FSTL5: variants seen among roughly 807,000 people sequenced by gnomAD.
The protein encoded by FSTL5 is follistatin like 5.
In FSTL5, 62 loss-of-function variants were observed where a neutral mutation model predicts 89.1. The ratio of observed to expected loss-of-function variants is 0.70; its 90% CI spans 0.57 to 0.86. The LOEUF is 0.86. Ranked by LOEUF, FSTL5 falls within the 40% of genes least tolerant of loss-of-function variation. The pLI is 0.00. For synonymous variants in FSTL5, 383 were observed against 346.2 expected (o/e 1.11, Z -1.18); for missense variants, 1,057 against 1,001.6 (o/e 1.06, Z -0.75).
rs543750185 is a variant in FSTL5, at chr4:161,555,803, G to C, written c.1016-13110C>G. 4.0e-5 allele frequency among the ~76,000 whole-genome samples: 6 copies of C among 151,672 alleles called. No individual in the cohort carries two copies. In the South Asian group the frequency reaches 1.2e-3, roughly 31 times the overall value. On this transcript the variant is annotated intron_variant, in intron 8 of 15. Transcript: ENST00000306100. ...TCTACTCACATGTTTTGTTGTTTTT[G>C]AAAATATGAGGGGTTTTTCTGCTGG...
At chr4:161,791,463 T>C (rs1165658719) in intron 4 of FSTL5, among the ~76,000 whole-genome samples, 1 of 152,228 alleles carries the variant, frequency 6.6e-6, no homozygotes, top group African/African-American at 2.4e-5. Flanking sequence ...AGCGTAAATA[T>C]GTTAGGCTTT....
In FSTL5 at chr4:161,784,399, CT is replaced by C. The variant is rs34148753; in HGVS notation, c.410-8326del. On this transcript the variant is annotated intron_variant, in intron 4 of 15. Transcript: ENST00000306100. ...TATTTTTATTTTTTATAAATTTGAC[CT>C]TTTTTTAAAAAAATAACCAGATTAC... Among the ~76,000 whole-genome samples, 28 of 151,516 alleles carry C rather than the reference CT, an allele frequency of 1.8e-4. No individual in the cohort carries two copies. In the East Asian group the frequency reaches 2.5e-3, roughly 14 times the overall value.
At chr4:161,955,060 C>G (rs907621323) in intron 3 of FSTL5, among the ~76,000 whole-genome samples, 4 of 151,442 alleles carry the variant, frequency 2.6e-5, no homozygotes, top group African/African-American at 9.7e-5. Flanking sequence ...GCAGATTTTA[C>G]TCTTATAAGA....
chr4:162,144,333 A>G (rs920230742), intron 1 of FSTL5, among the ~76,000 whole-genome samples: 2 of 152,174 alleles, frequency 1.3e-5, no homozygotes, highest in African/African-American at 4.8e-5. Flanking sequence ...ATGTAACTCA[A>G]TTGGATTGCC....
chr4:161,989,755 T>A (rs538658634), intron 3 of FSTL5, among the ~76,000 whole-genome samples: 3 of 152,164 alleles, frequency 2.0e-5, no homozygotes, highest in Non-Finnish European at 2.9e-5. Context: ...AGGACAGGAA[T>A]TAGGGAATAT....
At chr4:161,806,812 A>G (rs1215765183) in intron 4 of FSTL5, among the ~76,000 whole-genome samples, 1 of 152,172 alleles carries the variant, frequency 6.6e-6, no homozygotes, top group Non-Finnish European at 1.5e-5. Context: ...GCAAAGTAAA[A>G]GATAAAGAGA....
At chr4:162,110,263 A>G (rs1731384146) in intron 2 of FSTL5, among the ~76,000 whole-genome samples, 2 of 152,110 alleles carry the variant, frequency 1.3e-5, no homozygotes, top group Non-Finnish European at 2.9e-5. Flanking sequence ...TATTGCCTAT[A>G]AAATGAAAAT....
chr4:161,443,403 A>G (rs888862632), intron 15 of FSTL5, among the ~76,000 whole-genome samples: 1 of 152,040 alleles, frequency 6.6e-6, no homozygotes, highest in Admixed American at 6.6e-5. Flanking sequence ...CACTGTAGTA[A>G]GCGGCAGAAC....
chr4:161,563,783 A>C (rs973839184), intron 8 of FSTL5, among the ~76,000 whole-genome samples: 2 of 151,980 alleles, frequency 1.3e-5, no homozygotes, highest in East Asian at 1.9e-4. Flanking sequence ...CAAATTTGGA[A>C]AAGTTATTGT....
At chr4:162,056,149 C>T (rs1185569268) in intron 2 of FSTL5, among the ~76,000 whole-genome samples, 1 of 151,772 alleles carries the variant, frequency 6.6e-6, no homozygotes, top group Non-Finnish European at 1.5e-5. Context: ...TGGAAAAAAA[C>T]ATTTGCAATG....
intron 6 of FSTL5, among the ~76,000 whole-genome samples, chr4:161,753,455 T>C (rs1423938332): frequency 6.6e-6 from 1 of 152,200 alleles, no homozygotes; most frequent in East Asian, 1.9e-4. Context: ...TTCTCAGATA[T>C]GGCCACATTC....
chr4:161,808,532 G>A lies in FSTL5; in HGVS notation c.410-32458C>T, dbSNP rs758636881. ...GAATTAAAGATGTAAACATGAGAGC[G>A]AAAACTGTGAAACTCTTAGAAGAAA... On this transcript the variant is annotated intron_variant, in intron 4 of 15. Transcript: ENST00000306100. 8.6e-5 allele frequency among the ~76,000 whole-genome samples: 13 copies of A among 151,800 alleles called. No individual in the cohort carries two copies. In the East Asian group the frequency reaches 1.4e-3, roughly 16 times the overall value.
chr4:161,405,289 GAAC>G (rs112420660), intron 15 of FSTL5, among the ~76,000 whole-genome samples: 1 of 147,618 alleles, frequency 6.8e-6, no homozygotes, highest in East Asian at 2.0e-4. Context: ...ATGGATCAAA[GAAC>G]AACAACAACA....
At position 161,839,469 on chromosome 4, in the gene FSTL5, G is replaced by A. The variant is rs182504655; in HGVS notation, c.410-63395C>T. The stretch of plus-strand genomic sequence containing the variant: ...TGTGTGAATGAATAAACAAATTGTG[G>A]TATAATCATAGAATACACTAATGCT... On this transcript the variant is annotated intron_variant, in intron 4 of 15. Transcript: ENST00000306100. Among the ~76,000 whole-genome samples, 241 of 152,136 alleles carry A rather than the reference G, an allele frequency of 1.6e-3. 1 individual carries two copies. The highest frequency in any genetic ancestry group is 5.6e-3 in the African/African-American group (234 of 41,512).
At chr4:161,773,638 A>G (rs750005092) in intron 5 of FSTL5, among the ~76,000 whole-genome samples, 9 of 152,222 alleles carry the variant, frequency 5.9e-5, no homozygotes, top group Non-Finnish European at 1.2e-4. Context: ...CAAAATCACC[A>G]TGTGATACCA....
chr4:161,539,864 T>C (rs539193602), intron 9 of FSTL5, among the ~76,000 whole-genome samples: 5 of 151,736 alleles, frequency 3.3e-5, no homozygotes, highest in Non-Finnish European at 5.9e-5. Context: ...CTTCACCTTC[T>C]TGTTTTATAT....
intron 13 of FSTL5, among the ~76,000 whole-genome samples, chr4:161,461,736 A>T (rs537708807): frequency 6.6e-6 from 1 of 152,110 alleles, no homozygotes; most frequent in Non-Finnish European, 1.5e-5. Flanking sequence ...ATATAGCCCT[A>T]AAAAGTCATC....
chr4:161,537,817 A>T (rs1209673768), intron 10 of FSTL5, among the ~76,000 whole-genome samples: 3 of 152,172 alleles, frequency 2.0e-5, no homozygotes, highest in Non-Finnish European at 4.4e-5. Context: ...TAGAAGATAC[A>T]CATTGGATAC....
At chr4:161,511,058 G>A (rs1730636608) in intron 10 of FSTL5, among the ~76,000 whole-genome samples, 1 of 152,050 alleles carries the variant, frequency 6.6e-6, no homozygotes, top group Non-Finnish European at 1.5e-5. Flanking sequence ...TCAGTAAAGA[G>A]CTAATATATT....
Sources: allele counts gnomAD v4.1 joint callset (sites outside exome capture counted in the v4.1 genomes callset), GRCh38; gene constraint gnomAD v4.1.1; transcripts MANE v1.5; gene names NCBI Gene and HGNC (gene_info 2026-07-23, HGNC 2026-07-21).